The following HNRNPR variants were observed in gnomAD, a reference collection of about 807,000 sequenced individuals.
HNRNPR encodes heterogeneous nuclear ribonucleoprotein R.
HNRNPR carries 4 observed loss-of-function variants against 70.3 expected under a neutral mutation model. The ratio of observed to expected loss-of-function variants is 0.06; its 90% CI spans 0.03 to 0.13. The LOEUF (loss-of-function observed/expected upper bound fraction) is 0.13. Among genes scored for constraint, HNRNPR ranks in the 10% least tolerant of loss-of-function variants. The pLI is 1.00. For synonymous variants in HNRNPR, 241 were observed against 267.6 expected (o/e 0.90, Z 0.97); for missense variants, 423 against 788.5 (o/e 0.54, Z 5.55).
chr1:23,328,876 G>A (rs766716270), intron 5 of HNRNPR, among the ~76,000 whole-genome samples: 5 of 152,100 alleles, frequency 3.3e-5, no homozygotes, highest in South Asian at 4.1e-4. Context: ...CCCAACTCTC[G>A]AGGAGGCCAA....
intron 8 of HNRNPR, among the ~76,000 whole-genome samples, chr1:23,315,472 G>A (rs1380817787): frequency 1.3e-5 from 2 of 151,976 alleles, no homozygotes; most frequent in African/African-American, 4.8e-5. Flanking sequence ...AAACAGGATG[G>A]TGAATAAACA....
chr1:23,332,732 AAAAAC>A (rs967367823), intron 5 of HNRNPR, among the ~76,000 whole-genome samples: 3 of 151,014 alleles, frequency 2.0e-5, no homozygotes, highest in African/African-American at 7.3e-5. Context: ...AAACCAAAAA[AAAAAC>A]AAAACAAAAA....
chr1:23,338,153 C>G (rs1646573311), intron 3 of HNRNPR: 1 of 327,696 alleles, frequency 3.1e-6, no homozygotes, highest in Non-Finnish European at 5.5e-6. Flanking sequence ...ATTCCTCCCA[C>G]CTACATTTTC....
At chr1:23,343,314 G>T (rs768236247) in intron 1 of HNRNPR, among the ~76,000 whole-genome samples, 1 of 152,152 alleles carries the variant, frequency 6.6e-6, no homozygotes, top group Non-Finnish European at 1.5e-5. Context: ...TAAGAGACGG[G>T]CTTTAAAAGA....
rs542422898 is a variant in HNRNPR at position 23,326,451 on chromosome 1, T to C, written c.499-2719A>G. Among the ~76,000 whole-genome samples the C allele has an allele frequency of 4.6e-5, 7 of 152,318 alleles. No individual in the cohort carries two copies. The East Asian group carries it at 1.2e-3, about 25-fold the overall frequency. On this transcript the variant is annotated intron_variant, in intron 5 of 10. Transcript: ENST00000302271. ...GCTTCTTCCTCTAACTCGAGCTGTA[T>C]ACCCAGATGTCACTAATAAACTTCT...
intron 1 of HNRNPR, among the ~76,000 whole-genome samples, chr1:23,343,813 C>A (rs1646798877): frequency 6.6e-6 from 1 of 152,120 alleles, no homozygotes; most frequent in Non-Finnish European, 1.5e-5. Flanking sequence ...ACATCCCTCT[C>A]GGGCTAGGCC....
At chr1:23,332,404 T>TTA (rs1553158879) in intron 5 of HNRNPR, among the ~76,000 whole-genome samples, 11 of 145,838 alleles carry the variant, frequency 7.5e-5, no homozygotes, top group Non-Finnish European at 1.4e-4. Context: ...TTATTGATAT[T>TTA]AAAAAAAAAA....
rs1259445225 is a variant in HNRNPR, at chr1:23,309,518, AC to A, written c.*935del. The A allele has an allele frequency of 3.4e-5, 1 of 29,054 alleles. No individual in the cohort carries two copies. Among genetic ancestry groups the A allele is most frequent in the Non-Finnish European group, 6.1e-5 (1 of 16,318 alleles). 1.8% of individuals were successfully genotyped at this position (29,054 alleles called of 1,614,324 possible). The stretch of plus-strand genomic sequence containing the variant: ...TGCAAGAATGCTCAAAAGTCTATGA[AC>A]CTGTTTTTTTTTTTTTAATAAAAGA... On this transcript the variant is annotated 3_prime_UTR_variant, in exon 11 of 11. Transcript: ENST00000302271.
intron 5 of HNRNPR, among the ~76,000 whole-genome samples, chr1:23,324,064 G>T (rs144255502): frequency 1.5e-4 from 23 of 152,036 alleles, no homozygotes; most frequent in African/African-American, 5.5e-4. Context: ...TGTAATCCTA[G>T]CACTTTGAGA....
chr1:23,334,971 G>A (rs1646406652), intron 4 of HNRNPR, among the ~76,000 whole-genome samples: 1 of 151,848 alleles, frequency 6.6e-6, no homozygotes. Flanking sequence ...AGGCTGGAGT[G>A]CAGTGGCGCG....
At chr1:23,314,043 T>A (rs536342590) in intron 8 of HNRNPR, among the ~76,000 whole-genome samples, 58 of 152,078 alleles carry the variant, frequency 3.8e-4, no homozygotes, top group Non-Finnish European at 7.5e-4. Context: ...TGAGTAACTT[T>A]CAAAAGTTCA....
chr1:23,313,502 G>A, intron 9 of HNRNPR, 51 bp downstream of exon 9: 1 of 1,255,578 alleles, frequency 8.0e-7, no homozygotes, highest in Non-Finnish European at 1.1e-6. Context: ...TGTTTGGCAA[G>A]TTTCAAAAAC....
chr1:23,343,603 C>T (rs537448749), intron 1 of HNRNPR, among the ~76,000 whole-genome samples: 68 of 152,332 alleles, frequency 4.5e-4, no homozygotes, highest in Admixed American at 5.2e-4. Flanking sequence ...CTAAGTTCTA[C>T]GGCCTCTAGT....
chr1:23,305,061 A>G lies in HNRNPR; in HGVS notation c.*5393T>C, dbSNP rs1645183560. On this transcript the variant is annotated 3_prime_UTR_variant, in exon 11 of 11. Transcript: ENST00000302271. Reference sequence around the variant, plus strand: ...TGGGATCCTGACAAATCTACTATATAAAGTGAGAGCCCTTATTTAAATTTG... The same window carrying G: ...TGGGATCCTGACAAATCTACTATATGAAGTGAGAGCCCTTATTTAAATTTG... 1 of 152,204 alleles carries G rather than the reference A, an allele frequency of 6.6e-6. No individual in the cohort carries two copies. The highest frequency in any genetic ancestry group is 2.4e-5 in the African/African-American group (1 of 41,456). 9.4% of individuals were successfully genotyped at this position (152,204 alleles called of 1,614,324 possible).
rs192592214 is a variant in HNRNPR at position 23,338,767 on chromosome 1, G to C, written c.158-159C>G. The stretch of plus-strand genomic sequence containing the variant: ...TACGCAGCTATCCAAATACTACATA[G>C]AAAGGTCCAGGACAAATATGAAAAT... On this transcript the variant is annotated intron_variant, in intron 2 of 10. Coordinates refer to ENST00000302271, the MANE Select transcript of HNRNPR (RefSeq NM_005826.5). 1.3e-3 allele frequency among the ~76,000 whole-genome samples: 197 copies of C among 152,092 alleles called. 4 individuals are homozygous for C. Among genetic ancestry groups the C allele is most frequent in the African/African-American group, 4.6e-3 (189 of 41,468 alleles).
chr1:23,323,676 A>G lies in HNRNPR; in HGVS notation c.555T>C (p.Phe185=). ...GATCCCAAATGGGTCCGGCCTTCTC[A>G]AAAAGGGGCACCAACTCATCCTCAT... ...DLYEDELVPL[F]EKAGPIWDLR... is the part of the protein sequence containing the mutation. The change falls in exon 6 of 11, where the codon TTT becomes TTC. Residue 185 remains phenylalanine (F), a synonymous_variant. Coordinates refer to ENST00000302271, the MANE Select transcript of HNRNPR (RefSeq NM_005826.5). The G allele has an allele frequency of 1.2e-6, 2 of 1,614,106 alleles. No individual in the cohort carries two copies. The highest frequency in any genetic ancestry group is 1.1e-5 in the South Asian group (1 of 91,074).
At chr1:23,321,148 A>G (rs973658007) in intron 7 of HNRNPR, among the ~76,000 whole-genome samples, 2 of 81,328 alleles carry the variant, frequency 2.5e-5, no homozygotes, top group Non-Finnish European at 5.1e-5. Context: ...AGGCAACAAG[A>G]GCGAAACTCC....
intron 5 of HNRNPR, among the ~76,000 whole-genome samples, chr1:23,331,405 T>TTAAAAAAAA (rs1160009471): frequency 1.6e-5 from 2 of 127,240 alleles, no homozygotes; most frequent in African/African-American, 3.0e-5. Context: ...CACAAAAAAT[T>TTAAAAAAAA]AAAAAAAAAA....
chr1:23,332,520 T>C (rs1646280089), intron 5 of HNRNPR, among the ~76,000 whole-genome samples: 1 of 148,342 alleles, frequency 6.7e-6, no homozygotes, highest in African/African-American at 2.5e-5. Flanking sequence ...CTGACCAACA[T>C]GGTGAAATCC....
Sources: allele counts gnomAD v4.1 joint callset (sites outside exome capture counted in the v4.1 genomes callset), GRCh38; gene constraint gnomAD v4.1.1; transcripts MANE v1.5; gene names NCBI Gene and HGNC (gene_info 2026-07-23, HGNC 2026-07-21).